The following MAST1 variants were observed in gnomAD, a reference collection of about 807,000 sequenced individuals.
MAST1 encodes microtubule associated serine/threonine kinase 1, also known as microtubule-associated serine/threonine-protein kinase 1.
MAST1 carries 40 observed loss-of-function variants against 124.6 expected under a neutral mutation model. The observed-to-expected ratio is 0.32, with a 90% confidence interval of 0.25 to 0.42. The LOEUF (loss-of-function observed/expected upper bound fraction) is 0.42, where lower values mean the gene tolerates loss of function less well. Ranked by LOEUF, MAST1 falls within the 10% of genes least tolerant of loss-of-function variation. The probability of loss-of-function intolerance (pLI) is 1.00; values close to 1 mark genes in which losing one functional copy is unlikely to be tolerated. For missense variants in MAST1, 1,558 were observed against 2,181.9 expected, an observed-to-expected ratio of 0.71 and a Z score of 5.70; for synonymous variants, 938 against 939.4, an observed-to-expected ratio of 1.00 and a Z score of 0.03.
At chr19:12,869,331 G>T in intron 22 of MAST1, 36 bp downstream of exon 22, 2 of 1,564,574 alleles carry the variant, frequency 1.3e-6, no homozygotes, top group Non-Finnish European at 1.7e-6. Flanking sequence ...ATCACAGAGT[G>T]GAGGGTGGTG....
chr19:12,846,869 T>C (rs1336116586), intron 4 of MAST1, among the ~76,000 whole-genome samples: 1 of 25,890 alleles, frequency 3.9e-5, no homozygotes, highest in African/African-American at 3.3e-4. Flanking sequence ...AAACTCCATC[T>C]CAAAAAAAAA....
rs1308810192 is a variant in MAST1, at chr19:12,841,333, T to C, written c.248+267T>C. On this transcript the variant is annotated intron_variant, in intron 3 of 25. Transcript: ENST00000251472. The surrounding 1 kb of genome is among the most constrained non-coding windows in gnomAD (Gnocchi z 4.3). ...GCGCGTGCGCCCTGGGCGCGGGGTC[T>C]TAGTCTCTCCGAGCCTTGCTCTCCT... Among the ~76,000 whole-genome samples, 1 of 152,262 alleles carries C rather than the reference T, an allele frequency of 6.6e-6. No individual in the cohort carries two copies. The highest frequency in any genetic ancestry group is 1.5e-5 in the Non-Finnish European group (1 of 68,046).
Position 12,874,176 on chromosome 19 carries a change from T to C in MAST1, c.4019T>C (p.Leu1340Pro). The change falls in exon 26 of 26, where the codon CTG becomes CCG. Residue 1340 changes from leucine (L) to proline (P), a missense_variant. Transcript: ENST00000251472. This position sits in a 1 kb window ranked among gnomAD's most constrained non-coding sequence, Gnocchi z 6.6. ...RLGRQESPLS[L>P]GADPLLPEGA... ...GGCCGACAGGAGTCACCTTTGAGCCTGGGCGCGGACCCGTTGCTGCCCGAG... is the reference window on the plus strand; with the variant it reads ...GGCCGACAGGAGTCACCTTTGAGCCCGGGCGCGGACCCGTTGCTGCCCGAG... 1.3e-6 allele frequency: 2 copies of C among 1,541,874 alleles called. No homozygotes were observed. Among genetic ancestry groups the C allele is most frequent in the Non-Finnish European group, 1.7e-6 (2 of 1,146,686 alleles).
intron 24 of MAST1, chr19:12,872,712 G>A (rs1475614886): frequency 3.3e-5 from 5 of 153,020 alleles, no homozygotes; most frequent in African/African-American, 9.7e-5. Flanking sequence ...GACCAACATG[G>A]TGAAACCCCA....
In MAST1 at chr19:12,866,653, C is replaced by A; in HGVS notation, c.2030C>A (p.Thr677Asn). The change falls in exon 18 of 26, where the codon ACC (threonine) becomes AAC (asparagine). Residue 677 changes from threonine to asparagine, a missense_variant and splice_region_variant. Physicochemically the swap from Thr to Asn is moderately conservative, Grantham distance 65 (BLOSUM62 0). Transcript: ENST00000251472. The surrounding 1 kb of genome is among the most constrained non-coding windows in gnomAD (Gnocchi z 5.2). ...GTCACAGCCCATACCCGCTCCCCAGCCCGCTCAGACAGGTATCACCACGTG... is the reference window on the plus strand; with the variant it reads ...GTCACAGCCCATACCCGCTCCCCAGACCGCTCAGACAGGTATCACCACGTG... Reference protein sequence around the residue: ...ESEDDTSYFDTRSDRYHHVNS... With the variant: ...ESEDDTSYFDNRSDRYHHVNS... 1 of 1,611,102 alleles carries A rather than the reference C, an allele frequency of 6.2e-7. No individual in the cohort carries two copies. Among genetic ancestry groups the A allele is most frequent in the Non-Finnish European group, 8.5e-7 (1 of 1,177,834 alleles).
rs1422623833 is a variant in MAST1 at position 12,838,984 on chromosome 19, C to A, written c.83+329C>A. ...GCTGGGGGGCTTGGCACCCTCAGAA[C>A]AATAGCCGCAGCCTGGCCTCCCCCC... On this transcript the variant is annotated intron_variant, in intron 1 of 25. Coordinates refer to ENST00000251472, the MANE Select transcript of MAST1 (RefSeq NM_014975.3). The surrounding 1 kb of genome is among the most constrained non-coding windows in gnomAD (Gnocchi z 4.3). 6.6e-6 allele frequency among the ~76,000 whole-genome samples: 1 copy of A among 152,038 alleles called. No homozygotes were observed. The highest frequency in any genetic ancestry group is 1.5e-5 in the Non-Finnish European group (1 of 67,970).
At position 12,871,477 on chromosome 19, in the gene MAST1, C is replaced by T. The variant is rs117062702; in HGVS notation, c.3263+305C>T. Among the ~76,000 whole-genome samples, 220 of 152,162 alleles carry T rather than the reference C, an allele frequency of 1.4e-3. 3 individuals are homozygous for T. The South Asian group carries it at 0.02, about 14-fold the overall frequency. On this transcript the variant is annotated intron_variant, in intron 24 of 25. Coordinates refer to ENST00000251472, the MANE Select transcript of MAST1 (RefSeq NM_014975.3). ...CAAAAATTAGCCTGGCATGGTGGCG[C>T]TCGCCTGCAGTCCCAGCTACTTAGG...
intron 12 of MAST1, among the ~76,000 whole-genome samples, chr19:12,860,848 T>A (rs1052066034): frequency 1.3e-5 from 2 of 152,016 alleles, no homozygotes; most frequent in African/African-American, 4.8e-5. Flanking sequence ...ACATACATGA[T>A]CCCTGGGGCC....
At position 12,847,256 on chromosome 19, in the gene MAST1, G is replaced by A. The variant is rs1599578311; in HGVS notation, c.328-34G>A. On this transcript the variant is annotated intron_variant, in intron 4 of 25. Transcript: ENST00000251472. This position sits in a 1 kb window ranked among gnomAD's most constrained non-coding sequence, Gnocchi z 5.5. The stretch of plus-strand genomic sequence containing the variant: ...GTCCTGAGCTGTTGGGGGGCCCATG[G>A]TGGCTCTGACCCCGGCCCTGCCCCT... The A allele has an allele frequency of 1.3e-6, 2 of 1,508,006 alleles. No homozygotes were observed. Among genetic ancestry groups the A allele is most frequent in the Non-Finnish European group, 1.8e-6 (2 of 1,091,014 alleles). The allele number at this position is 1,508,006 out of a possible 1,614,324, so 93.4% of individuals were successfully genotyped here.
Position 12,874,246 on chromosome 19 carries a change from G to A in MAST1, c.4089G>A (p.Pro1363=), listed in dbSNP as rs1293831409. The A allele has an allele frequency of 1.9e-6, 3 of 1,562,412 alleles. No individual in the cohort carries two copies. The highest frequency in any genetic ancestry group is 4.8e-5 in the East Asian group (2 of 41,942). Residue 1363 remains proline (P), a synonymous_variant, in exon 26 of 26, where the codon CCG becomes CCA. Transcript: ENST00000251472. This position sits in a 1 kb window ranked among gnomAD's most constrained non-coding sequence, Gnocchi z 6.6. Reference sequence around the variant, plus strand: ...TGTCGAGCAAGGAGAAGGAATCCCCGGGGGGCGCCGAGGCGTGCACCCCAC... The same window carrying A: ...TGTCGAGCAAGGAGAAGGAATCCCCAGGGGGCGCCGAGGCGTGCACCCCAC... ...PPVSSKEKES[P]GGAEACTPPR... is the part of the protein sequence containing the mutation.
intron 4 of MAST1, among the ~76,000 whole-genome samples, chr19:12,844,804 C>T (rs1217951851): frequency 6.6e-6 from 1 of 152,092 alleles, no homozygotes; most frequent in African/African-American, 2.4e-5. Flanking sequence ...TCAGCCAGGG[C>T]AGCAAGGGAG....
chr19:12,861,999 C>CT lies in MAST1; in HGVS notation c.1367-2791dup, dbSNP rs55931366. Reference sequence around the variant, plus strand: ...TACAGGAGTGAGCCACCGTGCCTGCCTTTTTTTTTTTTTTTTTTTGAAATG... The same window carrying CT: ...TACAGGAGTGAGCCACCGTGCCTGCCTTTTTTTTTTTTTTTTTTTTGAAATG... On this transcript the variant is annotated intron_variant, in intron 12 of 25. Transcript: ENST00000251472. Among the ~76,000 whole-genome samples, 482 of 122,972 alleles carry CT rather than the reference C, an allele frequency of 3.9e-3. 2 individuals carry two copies. Among genetic ancestry groups the CT allele is most frequent in the African/African-American group, 9.5e-3 (303 of 31,908 alleles). 80.7% of individuals were successfully genotyped at this position (122,972 alleles called of 152,430 possible).
At chr19:12,861,207 G>A (rs969404416) in intron 12 of MAST1, among the ~76,000 whole-genome samples, 7 of 151,976 alleles carry the variant, frequency 4.6e-5, no homozygotes, top group East Asian at 3.9e-4. Context: ...GACTAAAGGC[G>A]CGCCTCCACC....
chr19:12,869,822 G>A (rs1487780955), intron 22 of MAST1, among the ~76,000 whole-genome samples: 2 of 151,888 alleles, frequency 1.3e-5, no homozygotes, highest in African/African-American at 4.8e-5. Context: ...GGAGGCTGAG[G>A]TGGGCAGATC....
At chr19:12,858,222 C>A in intron 10 of MAST1, 140 bp from the exon 11 acceptor site, 2 of 757,528 alleles carry the variant, frequency 2.6e-6, no homozygotes. Context: ...GGTTCAAGTC[C>A]TAACTTTCTC....
rs769475903 is a variant in MAST1 at position 12,847,243 on chromosome 19, TG to T, written c.328-41del. 2 of 1,372,810 alleles carry T rather than the reference TG, an allele frequency of 1.5e-6. No individual in the cohort carries two copies. Among genetic ancestry groups the T allele is most frequent in the Non-Finnish European group, 1.0e-6 (1 of 973,232 alleles). 85.0% of individuals were successfully genotyped at this position (1,372,810 alleles called of 1,614,324 possible). ...GTCCCAGCTCAGGGTCCTGAGCTGT[TG>T]GGGGGCCCATGGTGGCTCTGACCCC... On this transcript the variant is annotated intron_variant, in intron 4 of 25. Coordinates refer to ENST00000251472, the MANE Select transcript of MAST1 (RefSeq NM_014975.3). This position sits in a 1 kb window ranked among gnomAD's most constrained non-coding sequence, Gnocchi z 5.5.
Position 12,865,830 on chromosome 19 carries a change from A to G in MAST1, c.1906+12A>G, listed in dbSNP as rs1028857015. ...CAGGCTTGGGGCAGGTAAGTCCGCC[A>G]TGCAGAGGAGCTGAGGGCCCACTGA... On this transcript the variant is annotated intron_variant, in intron 16 of 25. Coordinates refer to ENST00000251472, the MANE Select transcript of MAST1 (RefSeq NM_014975.3). This position sits in a 1 kb window ranked among gnomAD's most constrained non-coding sequence, Gnocchi z 7.1. The G allele has an allele frequency of 2.5e-6, 4 of 1,610,782 alleles. No homozygotes were observed. In the African/African-American group the frequency reaches 5.3e-5, roughly 22 times the overall value.
chr19:12,868,953 G>C (rs1970198802), intron 21 of MAST1, 104 bp downstream of exon 21: 1 of 1,541,080 alleles, frequency 6.5e-7, no homozygotes. Context: ...ATTGGCTCCA[G>C]GCTGGACCAA....
chr19:12,866,175 G>T lies in MAST1; in HGVS notation c.2029+73G>T. 1 of 1,584,668 alleles carries T rather than the reference G, an allele frequency of 6.3e-7. No individual in the cohort carries two copies. The highest frequency in any genetic ancestry group is 8.6e-7 in the Non-Finnish European group (1 of 1,167,126). ...GAAGAGGGACCCTGGGGTAAGTAAA[G>T]CCTGGGATAGGGCCTGGCTAAGTAC... On this transcript the variant is annotated intron_variant, in intron 17 of 25. Coordinates refer to ENST00000251472, the MANE Select transcript of MAST1 (RefSeq NM_014975.3). This position sits in a 1 kb window ranked among gnomAD's most constrained non-coding sequence, Gnocchi z 5.2.
Sources: allele counts gnomAD v4.1 joint callset (sites outside exome capture counted in the v4.1 genomes callset), GRCh38; gene constraint gnomAD v4.1.1; non-coding constraint Gnocchi (gnomAD v3.1); transcripts MANE v1.5; gene names NCBI Gene and HGNC (gene_info 2026-07-23, HGNC 2026-07-21).